Variants in DR1 observed in about 807,000 individuals in gnomAD.
DR1 encodes the protein down-regulator of transcription 1.
In DR1, 7 loss-of-function variants were observed where a neutral mutation model predicts 19.9. That is an observed-to-expected ratio of 0.35 (90% CI 0.20 to 0.66). The LOEUF is 0.66. Among genes scored for constraint, DR1 ranks in the 30% least tolerant of loss-of-function variants. The probability of loss-of-function intolerance (pLI) is 0.66; values close to 1 mark genes in which losing one functional copy is unlikely to be tolerated. For synonymous variants in DR1, 76 were observed against 72.5 expected (o/e 1.05, Z -0.24); for missense variants, 98 against 203.7 (o/e 0.48, Z 3.16).
intron 2 of DR1, among the ~76,000 whole-genome samples, chr1:93,357,027 A>T (rs562797078): frequency 6.6e-6 from 1 of 152,190 alleles, no homozygotes; most frequent in East Asian, 1.9e-4. Flanking sequence ...CGGCCTTAAA[A>T]TGTTTTTAGC....
In DR1 at chr1:93,367,787, G is replaced by A. The variant is rs1667185318; in HGVS notation, c.*7148G>A. The A allele has an allele frequency of 6.6e-6, 1 of 152,326 alleles. No individual in the cohort carries two copies. The highest frequency in any genetic ancestry group is 6.5e-5 in the Admixed American group (1 of 15,282). 9.4% of individuals were successfully genotyped at this position (152,326 alleles called of 1,614,324 possible). A position where few individuals can be genotyped will look rare whatever the true frequency, so the allele number is the denominator to read the frequency against. Reference sequence around the variant, plus strand: ...CCAGCACTTTGGGAGGCCGAGGCGGGTGGATCACGAGGTCAGGAGATAGAG... The same window carrying A: ...CCAGCACTTTGGGAGGCCGAGGCGGATGGATCACGAGGTCAGGAGATAGAG... On this transcript the variant is annotated 3_prime_UTR_variant, in exon 3 of 3. Coordinates refer to ENST00000370272, the MANE Select transcript of DR1 (RefSeq NM_001938.3).
At position 93,346,656 on chromosome 1, in the gene DR1, C is replaced by G; in HGVS notation, c.11C>G (p.Ser4Trp). Reference sequence around the variant, plus strand: ...AAACAGGAAGGTACTATGGCTTCCTCGTCTGGCAACGATGATGATCTCACT... The same window carrying G: ...AAACAGGAAGGTACTATGGCTTCCTGGTCTGGCAACGATGATGATCTCACT... Reference protein sequence around the residue: MASSSGNDDDLTIP... With the variant: MASWSGNDDDLTIP... Residue 4 changes from serine to tryptophan, a missense_variant, in exon 1 of 3, where the codon TCG (serine) becomes TGG (tryptophan). By Grantham distance (177) the Ser-to-Trp change is radical. Coordinates refer to ENST00000370272, the MANE Select transcript of DR1 (RefSeq NM_001938.3). 1 of 1,613,794 alleles carries G rather than the reference C, an allele frequency of 6.2e-7. No homozygotes were observed. The highest frequency in any genetic ancestry group is 8.5e-7 in the Non-Finnish European group (1 of 1,179,896).
intron 1 of DR1, among the ~76,000 whole-genome samples, chr1:93,351,981 C>G (rs1666917665): frequency 6.6e-6 from 1 of 152,144 alleles, no homozygotes; most frequent in South Asian, 2.1e-4. Context: ...TTAAGTGATT[C>G]TTAGGTGCTA....
rs1553198466 is a variant in DR1 at position 93,361,043 on chromosome 1, A to AGGGC, written c.*407_*408insCGGG. On this transcript the variant is annotated 3_prime_UTR_variant, in exon 3 of 3. Transcript: ENST00000370272. Reference sequence around the variant, plus strand: ...AAAACTTGTGAATTTTAAATTATTAAGGGGGGGGTGCTGTGTGAATCAGTA... The same window carrying AGGGC: ...AAAACTTGTGAATTTTAAATTATTAAGGGCGGGGGGGGTGCTGTGTGAATCAGTA... 2 of 147,874 alleles carry AGGGC rather than the reference A, an allele frequency of 1.4e-5. No homozygotes were observed. Among genetic ancestry groups the AGGGC allele is most frequent in the Non-Finnish European group, 2.9e-5 (2 of 68,030 alleles). 9.2% of individuals were successfully genotyped at this position (147,874 alleles called of 1,614,324 possible).
At chr1:93,358,763 C>T (rs1405329814) in intron 2 of DR1, among the ~76,000 whole-genome samples, 1 of 152,180 alleles carries the variant, frequency 6.6e-6, no homozygotes, top group Non-Finnish European at 1.5e-5. Flanking sequence ...CTTTTCAGCT[C>T]CCTAATAACA....
chr1:93,346,621 G>T lies in DR1; in HGVS notation c.-25G>T. ...CAGAGCTGGGGAGTTTTTAAAAGCC[G>T]GGGCGCGAGAAACAGGAAGGTACTA... On this transcript the variant is annotated 5_prime_UTR_variant, in exon 1 of 3. Coordinates refer to ENST00000370272, the MANE Select transcript of DR1 (RefSeq NM_001938.3). 1.2e-6 allele frequency: 2 copies of T among 1,604,638 alleles called. No individual in the cohort carries two copies. The highest frequency in any genetic ancestry group is 1.7e-6 in the Non-Finnish European group (2 of 1,172,920).
intron 2 of DR1, among the ~76,000 whole-genome samples, chr1:93,356,202 A>G (rs1172159266): frequency 2.0e-5 from 3 of 149,618 alleles, no homozygotes; most frequent in Non-Finnish European, 4.4e-5. Context: ...AATTTGTGGA[A>G]ATGAATACAA....
At position 93,360,680 on chromosome 1, in the gene DR1, T is replaced by C. The variant is rs190835113; in HGVS notation, c.*41T>C. The C allele has an allele frequency of 2.6e-6, 4 of 1,568,066 alleles. No homozygotes were observed. The African/African-American group carries it at 5.6e-5, about 22-fold the overall frequency. ...TTTCTATTTCTTCTATAAATGTTTT[T>C]CCCTGCACAACAAAAACAGTGAAAG... On this transcript the variant is annotated 3_prime_UTR_variant, in exon 3 of 3. Coordinates refer to ENST00000370272, the MANE Select transcript of DR1 (RefSeq NM_001938.3).
rs1350177397 is a variant in DR1 at position 93,345,936 on chromosome 1, A to C, written c.-710A>C. 1 of 152,538 alleles carries C rather than the reference A, an allele frequency of 6.6e-6. No homozygotes were observed. The highest frequency in any genetic ancestry group is 1.5e-5 in the Non-Finnish European group (1 of 68,204). The allele number at this position is 152,538 out of a possible 1,614,324, so 9.4% of individuals were successfully genotyped here. A position where few individuals can be genotyped will look rare whatever the true frequency, so the allele number is the denominator to read the frequency against. ...AGGGTGTCGGGAGCGGCTTCCTGCAAACCTTCCCTGGCATCTGGAGGGACC... is the reference window on the plus strand; with the variant it reads ...AGGGTGTCGGGAGCGGCTTCCTGCACACCTTCCCTGGCATCTGGAGGGACC... On this transcript the variant is annotated 5_prime_UTR_variant, in exon 1 of 3. Transcript: ENST00000370272.
chr1:93,359,242 C>T (rs942690604), intron 2 of DR1, among the ~76,000 whole-genome samples: 6 of 152,066 alleles, frequency 3.9e-5, no homozygotes, highest in African/African-American at 1.2e-4. Flanking sequence ...GAGGATTGTA[C>T]ATGGTAAAAT....
In DR1 at chr1:93,354,032, A is replaced by G. The variant is rs1417435114; in HGVS notation, c.345A>G (p.Glu115=). The change falls in exon 2 of 3, where the codon GAA becomes GAG. Residue 115 remains glutamate (E), a synonymous_variant. Coordinates refer to ENST00000370272, the MANE Select transcript of DR1 (RefSeq NM_001938.3). ...GTTTGGAAAACCTTGGCATTCCTGAAGAAGAGTTATTGAGACAGCAACAAG... is the reference window on the plus strand; with the variant it reads ...GTTTGGAAAACCTTGGCATTCCTGAGGAAGAGTTATTGAGACAGCAACAAG... The part of the protein sequence containing the change: ...SSRLENLGIP[E]EELLRQQQEL... 3.1e-6 allele frequency: 5 copies of G among 1,613,406 alleles called. No individual in the cohort carries two copies. Among genetic ancestry groups the G allele is most frequent in the African/African-American group, 1.3e-5 (1 of 74,894 alleles).
intron 2 of DR1, 48 bp downstream of exon 2, chr1:93,354,119 C>T (rs1323577109): frequency 6.4e-7 from 1 of 1,553,992 alleles, no homozygotes. Flanking sequence ...ACCCTGTTTG[C>T]TAACTGAAAT....
intron 1 of DR1, among the ~76,000 whole-genome samples, chr1:93,351,344 C>A (rs1301041843): frequency 2.0e-5 from 3 of 151,682 alleles, no homozygotes; most frequent in Non-Finnish European, 4.4e-5. Flanking sequence ...GTGTTCTCAG[C>A]CTTAAATGTT....
intron 2 of DR1, among the ~76,000 whole-genome samples, chr1:93,360,163 A>C (rs1667035216): frequency 6.6e-6 from 1 of 151,864 alleles, no homozygotes; most frequent in Non-Finnish European, 1.5e-5. Flanking sequence ...CAGAGGGAAT[A>C]TTGTGGGTTT....
Position 93,366,780 on chromosome 1 carries a change from T to C in DR1, c.*6141T>C, listed in dbSNP as rs966847264. 6.6e-6 allele frequency: 1 copy of C among 152,198 alleles called. No individual in the cohort carries two copies. The highest frequency in any genetic ancestry group is 2.4e-5 in the African/African-American group (1 of 41,438). 9.4% of individuals were successfully genotyped at this position (152,198 alleles called of 1,614,324 possible). On this transcript the variant is annotated 3_prime_UTR_variant, in exon 3 of 3. Transcript: ENST00000370272. ...ACACTGGGAAGTCGAGGTGGGCAGA[T>C]GGCTTGACCTCAGGAGTTCGGAACC...
chr1:93,356,180 T>C (rs1666978599), intron 2 of DR1, among the ~76,000 whole-genome samples: 1 of 151,772 alleles, frequency 6.6e-6, no homozygotes, highest in Admixed American at 6.6e-5. Context: ...TAAATATCAC[T>C]GAAAAATGTT....
At chr1:93,354,111 C>A in intron 2 of DR1, 40 bp downstream of exon 2, 1 of 1,569,644 alleles carries the variant, frequency 6.4e-7, no homozygotes. Flanking sequence ...TGAATCCTAC[C>A]CTGTTTGCTA....
chr1:93,350,019 G>A (rs1216757558), intron 1 of DR1, among the ~76,000 whole-genome samples: 3 of 152,062 alleles, frequency 2.0e-5, no homozygotes, highest in Admixed American at 1.3e-4. Flanking sequence ...GTAAATAATC[G>A]TTTATACAGA....
At position 93,348,984 on chromosome 1, in the gene DR1, T is replaced by G. The variant is rs142931169; in HGVS notation, c.220+2119T>G. On this transcript the variant is annotated intron_variant, in intron 1 of 2. Transcript: ENST00000370272. ...CTATACACTAATCATAATAGGACAT[T>G]TTTATACTTTTCTGTCAGCATTGAT... Among the ~76,000 whole-genome samples, 312 of 152,178 alleles carry G rather than the reference T, an allele frequency of 2.1e-3. 2 individuals are homozygous for G. Among genetic ancestry groups the G allele is most frequent in the African/African-American group, 7.0e-3 (292 of 41,556 alleles).
Sources: gnomAD v4.1 joint callset for allele counts (sites outside exome capture counted in the v4.1 genomes callset) on GRCh38, gnomAD v4.1.1 for gene constraint, MANE v1.5 for transcripts, NCBI Gene and HGNC (gene_info 2026-07-23, HGNC 2026-07-21) for gene names.